Variants in ARHGEF33 observed in about 807,000 individuals in gnomAD.
The protein encoded by ARHGEF33 is Rho guanine nucleotide exchange factor 33.
A neutral mutation model predicts 101.9 loss-of-function variants in ARHGEF33; 72 were observed. That is an observed-to-expected ratio of 0.71 (90% confidence interval 0.58 to 0.86). ARHGEF33 has a LOEUF of 0.86. Among genes scored for constraint, ARHGEF33 ranks in the 40% least tolerant of loss-of-function variants. The pLI is 0.00. For synonymous variants in ARHGEF33, 499 were observed against 442.5 expected, an observed-to-expected ratio of 1.13 and a Z score of -1.60; for missense variants, 1,169 against 1,111.3, an observed-to-expected ratio of 1.05 and a Z score of -0.74.
At chr2:38,935,717 G>A (rs1386113592) in intron 7 of ARHGEF33, 58 bp from the exon 8 acceptor site, 6 of 1,408,696 alleles carry the variant, frequency 4.3e-6, no homozygotes, top group Non-Finnish European at 4.9e-6. Context: ...GCTCGTGGAA[G>A]GTGCTTAGTC....
intron 4 of ARHGEF33, among the ~76,000 whole-genome samples, chr2:38,927,323 A>C (rs752275515): frequency 1.5e-4 from 23 of 152,364 alleles, no homozygotes; most frequent in Admixed American, 3.3e-4. Flanking sequence ...GCATGACCTT[A>C]TTCTGAAAAT....
At chr2:38,920,112 C>G (rs1290140498) in intron 3 of ARHGEF33, among the ~76,000 whole-genome samples, 1 of 152,176 alleles carries the variant, frequency 6.6e-6, no homozygotes, top group Non-Finnish European at 1.5e-5. Context: ...TATTTATCGA[C>G]TTAAATACTG....
Position 38,953,438 on chromosome 2 carries a change from C to T in ARHGEF33, c.1137+193C>T, listed in dbSNP as rs190995014. 2.0e-3 allele frequency among the ~76,000 whole-genome samples: 309 copies of T among 152,304 alleles called. 1 individual carries two copies. The highest frequency in any genetic ancestry group is 7.1e-3 in the African/African-American group (294 of 41,564). On this transcript the variant is annotated intron_variant, in intron 12 of 17. Transcript: ENST00000409978. ...TCAGTGCCATTGTGTTGGTCCTCTC[C>T]CTGCCTTACTGACCCTCTGTTCCAT...
intron 2 of ARHGEF33, among the ~76,000 whole-genome samples, chr2:38,917,377 C>A (rs899753614): frequency 5.9e-5 from 9 of 152,126 alleles, no homozygotes; most frequent in Non-Finnish European, 1.2e-4. Flanking sequence ...CAGGCATGAG[C>A]CACCGCATCG....
chr2:38,910,155 G>A (rs1666477664), intron 2 of ARHGEF33, among the ~76,000 whole-genome samples: 1 of 152,030 alleles, frequency 6.6e-6, no homozygotes, highest in Non-Finnish European at 1.5e-5. Flanking sequence ...GTAGATATTT[G>A]ACCTTCTCTT....
chr2:38,905,948 A>T (rs1666378288), intron 2 of ARHGEF33, among the ~76,000 whole-genome samples: 1 of 152,146 alleles, frequency 6.6e-6, no homozygotes, highest in Admixed American at 6.5e-5. Flanking sequence ...ACATACTTTA[A>T]AAAATGCTGA....
chr2:38,896,214 C>G (rs1460281001), intron 2 of ARHGEF33, among the ~76,000 whole-genome samples: 1 of 152,214 alleles, frequency 6.6e-6, no homozygotes, highest in African/African-American at 2.4e-5. Flanking sequence ...TCTTAGGTCA[C>G]TGCAACCTCT....
Position 38,959,703 on chromosome 2 carries a change from T to C in ARHGEF33, c.1536-138T>C, listed in dbSNP as rs141663004. 2.1e-4 allele frequency: 201 copies of C among 953,838 alleles called. No individual in the cohort carries two copies. The African/African-American group carries it at 2.8e-3, about 13-fold the overall frequency. 59.1% of individuals were successfully genotyped at this position (953,838 alleles called of 1,614,324 possible). ...GGGAACGGGGGTTCGTGGGAGCGCC[T>C]TAGTGGAAGTTTGTGGAGCTCGGGA... On this transcript the variant is annotated intron_variant, in intron 15 of 17. Coordinates refer to ENST00000409978, the MANE Select transcript of ARHGEF33 (RefSeq NM_001145451.5).
intron 2 of ARHGEF33, among the ~76,000 whole-genome samples, chr2:38,908,680 T>C (rs1372320890): frequency 6.6e-6 from 1 of 152,214 alleles, no homozygotes; most frequent in Non-Finnish European, 1.5e-5. Flanking sequence ...TTCTCTGTGC[T>C]TTGCTCCTGT....
chr2:38,958,322 C>A, intron 15 of ARHGEF33, 124 bp downstream of exon 15: 2 of 1,221,738 alleles, frequency 1.6e-6, no homozygotes, highest in Non-Finnish European at 2.2e-6. Flanking sequence ...TATGTGCCAA[C>A]CAAGCAGCCA....
intron 9 of ARHGEF33, among the ~76,000 whole-genome samples, 183 bp from the exon 10 acceptor site, chr2:38,943,718 T>C (rs115555626): frequency 6.6e-6 from 1 of 152,254 alleles, no homozygotes; most frequent in Non-Finnish European, 1.5e-5. Context: ...CACCAAGACT[T>C]CGTGCCCTTT....
chr2:38,970,945 T>C (rs1668154036), intron 17 of ARHGEF33, among the ~76,000 whole-genome samples: 1 of 152,216 alleles, frequency 6.6e-6, no homozygotes. Context: ...ACTGGTGCTG[T>C]CCTTTGTATT....
chr2:38,930,466 G>T (rs1352869483), intron 6 of ARHGEF33, among the ~76,000 whole-genome samples: 1 of 151,412 alleles, frequency 6.6e-6, no homozygotes, highest in Non-Finnish European at 1.5e-5. Flanking sequence ...TCCCACCTCA[G>T]TCTCCTGAGT....
At chr2:38,932,129 T>A (rs1667018827) in intron 7 of ARHGEF33, among the ~76,000 whole-genome samples, 1 of 152,226 alleles carries the variant, frequency 6.6e-6, no homozygotes, top group African/African-American at 2.4e-5. Flanking sequence ...TTTTTTATTA[T>A]CATTTTTTTT....
intron 16 of ARHGEF33, among the ~76,000 whole-genome samples, chr2:38,963,903 A>C (rs965058293): frequency 5.3e-5 from 8 of 152,230 alleles, no homozygotes; most frequent in Middle Eastern, 6.8e-3. Context: ...CAGACTGCGG[A>C]GGGGGAGGTG....
At chr2:38,944,443 C>T (rs1043681427) in intron 10 of ARHGEF33, among the ~76,000 whole-genome samples, 2 of 152,100 alleles carry the variant, frequency 1.3e-5, no homozygotes, top group East Asian at 1.9e-4. Flanking sequence ...ATTCATAGTG[C>T]GGAGCTCTCA....
At chr2:38,959,080 G>C (rs748326707) in intron 15 of ARHGEF33, among the ~76,000 whole-genome samples, 1 of 152,226 alleles carries the variant, frequency 6.6e-6, no homozygotes, top group Non-Finnish European at 1.5e-5. Flanking sequence ...TCTGGTCAGT[G>C]TCCACTTACA....
chr2:38,948,359 T>A lies in ARHGEF33; in HGVS notation c.921-2630T>A, dbSNP rs115537185. Among the ~76,000 whole-genome samples the A allele has an allele frequency of 1.4e-3, 206 of 152,382 alleles. 2 individuals carry two copies. The highest frequency in any genetic ancestry group is 4.8e-3 in the African/African-American group (199 of 41,590). ...AGGTCATTGTTTTTCATGTAACTTA[T>A]GTGCTTCCACAATGCTTGATGGAGG... On this transcript the variant is annotated intron_variant, in intron 10 of 17. Transcript: ENST00000409978.
Position 38,969,350 on chromosome 2 carries a change from C to G in ARHGEF33, c.2483+3205C>G, listed in dbSNP as rs902228385. The G allele has an allele frequency of 5.2e-4, 88 of 167,936 alleles. 1 individual carries two copies. The highest frequency in any genetic ancestry group is 1.2e-4 in the African/African-American group (5 of 41,490). The allele number at this position is 167,936 out of a possible 1,614,324, so 10.4% of individuals were successfully genotyped here. A position where few individuals can be genotyped will look rare whatever the true frequency, so the allele number is the denominator to read the frequency against. On this transcript the variant is annotated intron_variant, in intron 17 of 17. Transcript: ENST00000409978. ...TCTGGGGCTTGCTACCTTCCTCCCC[C>G]ACAGCCCTCTGGAGGCTTATTCCTG...
Sources: allele counts gnomAD v4.1 joint callset (sites outside exome capture counted in the v4.1 genomes callset), GRCh38; gene constraint gnomAD v4.1.1; transcripts MANE v1.5; gene names NCBI Gene and HGNC (gene_info 2026-07-23, HGNC 2026-07-21).